The following EPM2A variants were observed in gnomAD, a reference collection of about 807,000 sequenced individuals.
EPM2A encodes EPM2A glucan phosphatase, laforin.
EPM2A carries 21 observed loss-of-function variants against 26.5 expected under a neutral mutation model. The ratio of observed to expected loss-of-function variants is 0.79; its 90% CI spans 0.56 to 1.14. The LOEUF (loss-of-function observed/expected upper bound fraction) is 1.14. EPM2A is among the 50% of genes most tolerant of loss of function. EPM2A has a pLI of 0.00. For synonymous variants in EPM2A, 217 were observed against 177.6 expected, an observed-to-expected ratio of 1.22 and a Z score of -1.76; for missense variants, 458 against 440.8, an observed-to-expected ratio of 1.04 and a Z score of -0.35.
intron 2 of EPM2A, among the ~76,000 whole-genome samples, chr6:145,654,271 C>T (rs139305818): frequency 3.3e-5 from 5 of 151,980 alleles, no homozygotes; most frequent in Non-Finnish European, 7.4e-5. Flanking sequence ...CAACCTCTGC[C>T]TTCGGGTTCA....
At chr6:145,560,334 A>C (rs1288387568) in intron 2 of EPM2A, among the ~76,000 whole-genome samples, 1 of 152,154 alleles carries the variant, frequency 6.6e-6, no homozygotes, top group East Asian at 1.9e-4. Flanking sequence ...ATCATATAAT[A>C]AACTGGAACT....
downstream of EPM2A, among the ~76,000 whole-genome samples, chr6:145,497,110 A>G: frequency 6.6e-6 from 1 of 152,140 alleles, no homozygotes; most frequent in East Asian, 1.9e-4. Flanking sequence ...CTGAAGAGGT[A>G]ATGTGGTCAT....
rs1166476071 is a variant in EPM2A at position 145,625,469 on chromosome 6, A to G, written c.*1947T>C. On this transcript the variant is annotated 3_prime_UTR_variant, in exon 4 of 4. Transcript: ENST00000367519. ...GGAACAAAGGTAAAAATCCACCTGA[A>G]AAAAGATCTTTGTATCATGGAAATT... 1 of 521,168 alleles carries G rather than the reference A, an allele frequency of 1.9e-6. No homozygotes were observed. Among genetic ancestry groups the G allele is most frequent in the Non-Finnish European group, 3.4e-6 (1 of 293,172 alleles). 32.3% of individuals were successfully genotyped at this position (521,168 alleles called of 1,614,324 possible).
At chr6:145,469,590 C>A (rs778856492) in intron 4 of EPM2A, among the ~76,000 whole-genome samples, 3 of 151,982 alleles carry the variant, frequency 2.0e-5, no homozygotes, top group Non-Finnish European at 4.4e-5. Flanking sequence ...GTAATTAGTA[C>A]AACTACTATA....
intron 3 of EPM2A, chr6:145,629,489 C>G (rs929901371): frequency 3.3e-5 from 5 of 152,244 alleles, no homozygotes; most frequent in Admixed American, 2.6e-4. Context: ...GATGTCTCAG[C>G]ATGTCTCAGG....
At chr6:145,439,278 G>A (rs963514395) in intron 4 of EPM2A, among the ~76,000 whole-genome samples, 4 of 152,146 alleles carry the variant, frequency 2.6e-5, no homozygotes, top group South Asian at 2.1e-4. Context: ...ACATACGTGT[G>A]CATGTGTCTT....
intron 4 of EPM2A, among the ~76,000 whole-genome samples, chr6:145,432,439 T>C: frequency 6.6e-6 from 1 of 152,106 alleles, no homozygotes. Context: ...TAATTTCCTT[T>C]TACATTTTCA....
intron 4 of EPM2A, among the ~76,000 whole-genome samples, chr6:145,421,086 C>A (rs927560796): frequency 2.6e-5 from 4 of 152,180 alleles, no homozygotes; most frequent in Non-Finnish European, 5.9e-5. Context: ...TAAGCAAATT[C>A]TTTGAGAACC....
intron 2 of EPM2A, chr6:145,671,367 C>T (rs1280966549): frequency 3.0e-6 from 3 of 1,002,996 alleles, no homozygotes; most frequent in African/African-American, 1.7e-5. Flanking sequence ...CATCTTGAGG[C>T]ACAACTGGAA....
chr6:145,561,757 A>C (rs901166938), intron 2 of EPM2A, among the ~76,000 whole-genome samples: 9 of 152,280 alleles, frequency 5.9e-5, no homozygotes, highest in African/African-American at 1.9e-4. Flanking sequence ...TAAAGTCTTT[A>C]TATCAGACAG....
At chr6:145,603,818 A>T (rs1397183363) in intron 2 of EPM2A, among the ~76,000 whole-genome samples, 2 of 152,220 alleles carry the variant, frequency 1.3e-5, no homozygotes, top group Non-Finnish European at 2.9e-5. Context: ...ACTGGAAATT[A>T]GTATCTCTGC....
chr6:145,469,051 A>G (rs965698489), intron 4 of EPM2A, among the ~76,000 whole-genome samples: 1 of 152,188 alleles, frequency 6.6e-6, no homozygotes, highest in Non-Finnish European at 1.5e-5. Context: ...AGTAATTTAT[A>G]AAAGAAAGAG....
intron 2 of EPM2A, among the ~76,000 whole-genome samples, chr6:145,662,851 G>A (rs1396998370): frequency 6.6e-6 from 1 of 152,078 alleles, no homozygotes; most frequent in Non-Finnish European, 1.5e-5. Context: ...TGCTTATATA[G>A]GCCCTTTTAC....
chr6:145,659,141 T>C (rs574151528), intron 2 of EPM2A, among the ~76,000 whole-genome samples: 3 of 151,054 alleles, frequency 2.0e-5, no homozygotes, highest in South Asian at 4.2e-4. Flanking sequence ...AAGTAAATGT[T>C]AATCCAAATA....
At chr6:145,641,417 A>C (rs1395774967) in intron 2 of EPM2A, 1 of 152,262 alleles carries the variant, frequency 6.6e-6, no homozygotes, top group East Asian at 1.9e-4. Flanking sequence ...CTCAGCCCTC[A>C]GAAGGAGTCA....
chr6:145,477,651 A>C (rs1779559054), intron 4 of EPM2A, among the ~76,000 whole-genome samples: 1 of 151,974 alleles, frequency 6.6e-6, no homozygotes, highest in Non-Finnish European at 1.5e-5. Context: ...AATGTGATAT[A>C]TAATATTAAT....
chr6:145,711,956 GT>G (rs1355898765), intron 1 of EPM2A, among the ~76,000 whole-genome samples: 5 of 152,134 alleles, frequency 3.3e-5, no homozygotes, highest in Non-Finnish European at 5.9e-5. Context: ...ACAAGGTCTA[GT>G]TTGAGGCACT....
At chr6:145,436,745 C>G (rs544942311) in intron 4 of EPM2A, among the ~76,000 whole-genome samples, 1 of 152,152 alleles carries the variant, frequency 6.6e-6, no homozygotes, top group African/African-American at 2.4e-5. Flanking sequence ...GGTAACTAAT[C>G]TAAATTGACC....
At chr6:145,496,965 TATC>T (rs1408567097), downstream of EPM2A, among the ~76,000 whole-genome samples, 1 of 152,160 alleles carries the variant, frequency 6.6e-6, no homozygotes, top group East Asian at 1.9e-4. Flanking sequence ...TGCAATGTTT[TATC>T]ATGATTTTTA....
Sources: gnomAD v4.1 joint callset for allele counts (sites outside exome capture counted in the v4.1 genomes callset) on GRCh38, gnomAD v4.1.1 for gene constraint, MANE v1.5 for transcripts, NCBI Gene and HGNC (gene_info 2026-07-23, HGNC 2026-07-21) for gene names.